Variants in DEPTOR observed in about 807,000 individuals in gnomAD.
The protein encoded by DEPTOR is DEP domain containing MTOR interacting protein.
A neutral mutation model predicts 41.6 loss-of-function variants in DEPTOR; 41 were observed. The observed-to-expected ratio is 0.98, with a 90% CI of 0.77 to 1.28. The LOEUF is 1.28. Ranked by LOEUF, DEPTOR falls within the 50% of genes most tolerant of loss-of-function variation. The pLI is 0.00. For missense variants in DEPTOR, 514 were observed against 527.9 expected (o/e 0.97, Z 0.26); for synonymous variants, 195 against 192.3 (o/e 1.01, Z -0.12).
chr8:119,933,705 G>T (rs1828074428), intron 3 of DEPTOR, among the ~76,000 whole-genome samples: 1 of 152,098 alleles, frequency 6.6e-6, no homozygotes, highest in South Asian at 2.1e-4. Flanking sequence ...GGTGGCAGGT[G>T]TTGGGGCTGC....
At chr8:119,992,397 C>T (rs1812186335) in intron 4 of DEPTOR, among the ~76,000 whole-genome samples, 2 of 152,020 alleles carry the variant, frequency 1.3e-5, no homozygotes, top group African/African-American at 4.8e-5. Flanking sequence ...ATCTTTATTC[C>T]CTCTCTGTTT....
At chr8:120,028,328 T>C (rs1812832755) in intron 8 of DEPTOR, among the ~76,000 whole-genome samples, 1 of 151,664 alleles carries the variant, frequency 6.6e-6, no homozygotes. Context: ...GCCTAAATGA[T>C]GTACTTTTGA....
rs544954637 is a variant in DEPTOR, at chr8:120,009,043, G to T, written c.1011G>T (p.Ala337=). The T allele has an allele frequency of 1.1e-5, 17 of 1,614,042 alleles. No individual in the cohort carries two copies. The highest frequency in any genetic ancestry group is 8.5e-7 in the Non-Finnish European group (1 of 1,180,000). ...TTCCTCTCTAGATTGTTGGTGACGCGGTTGGCTGGGGTTTTGTGGTGCGAG... is the reference window on the plus strand; with the variant it reads ...TTCCTCTCTAGATTGTTGGTGACGCTGTTGGCTGGGGTTTTGTGGTGCGAG... ...ARKTFTIVGD[A]VGWGFVVRGS... is the part of the protein sequence containing the mutation. The change falls in exon 8 of 9, where the codon GCG becomes GCT. Residue 337 remains alanine (A), a synonymous_variant. Coordinates refer to ENST00000286234, the MANE Select transcript of DEPTOR (RefSeq NM_022783.4).
intron 1 of DEPTOR, among the ~76,000 whole-genome samples, chr8:119,913,362 GA>G (rs1827769203): frequency 6.6e-6 from 1 of 152,230 alleles, no homozygotes; most frequent in South Asian, 2.1e-4. Context: ...CGAACAAAGA[GA>G]GGGGGCAATG....
At chr8:119,954,874 G>GTT (rs1554676035) in intron 3 of DEPTOR, among the ~76,000 whole-genome samples, 2 of 146,658 alleles carry the variant, frequency 1.4e-5, no homozygotes, top group African/African-American at 2.6e-5. Flanking sequence ...GTGTGTGTGT[G>GTT]TTTTGAGACA....
Position 119,873,907 on chromosome 8 carries a change from G to A in DEPTOR, c.61G>A (p.Gly21Arg). The A allele has an allele frequency of 6.2e-7, 1 of 1,613,798 alleles. No individual in the cohort carries two copies. The highest frequency in any genetic ancestry group is 8.5e-7 in the Non-Finnish European group (1 of 1,179,890). Residue 21 changes from glycine (G) to arginine (R), a missense_variant, in exon 1 of 9, where the codon GGG (glycine) becomes AGG (arginine). Transcript: ENST00000286234. ...GSDSSTSGSG[G>R]AQQRELERMA... ...TGACAGCAGCACCAGCGGGAGTGGC[G>A]GGGCGCAGCAAAGGGAGCTGGAGCG... is the stretch of plus-strand genomic sequence containing the variant.
At chr8:120,048,557 A>G (rs1813186507) in intron 8 of DEPTOR, among the ~76,000 whole-genome samples, 1 of 152,234 alleles carries the variant, frequency 6.6e-6, no homozygotes, top group African/African-American at 2.4e-5. Flanking sequence ...TATGTGGAGA[A>G]AACACCCTAG....
intron 4 of DEPTOR, among the ~76,000 whole-genome samples, chr8:119,965,682 T>C (rs1380850429): frequency 3.9e-5 from 6 of 152,222 alleles, no homozygotes; most frequent in East Asian, 3.9e-4. Flanking sequence ...CAGGTTCTTA[T>C]AGCGCTTCCA....
At chr8:120,038,040 G>A (rs1305563443) in intron 8 of DEPTOR, among the ~76,000 whole-genome samples, 2 of 152,080 alleles carry the variant, frequency 1.3e-5, no homozygotes, top group East Asian at 1.9e-4. Flanking sequence ...GCCAAGGCGG[G>A]TGGATCGCTT....
intron 8 of DEPTOR, among the ~76,000 whole-genome samples, chr8:120,041,752 G>A (rs1200029476): frequency 6.6e-6 from 1 of 152,066 alleles, no homozygotes; most frequent in African/African-American, 2.4e-5. Context: ...TGGCCAGGCT[G>A]GTCTTGAACT....
At chr8:119,911,750 G>A (rs760261181) in intron 1 of DEPTOR, among the ~76,000 whole-genome samples, 81 of 152,178 alleles carry the variant, frequency 5.3e-4, no homozygotes, top group Non-Finnish European at 8.1e-4. Context: ...GAAAGGTGAT[G>A]GCAGAAACAT....
intron 1 of DEPTOR, among the ~76,000 whole-genome samples, chr8:119,904,891 A>G (rs1167072729): frequency 6.6e-6 from 1 of 151,628 alleles, no homozygotes; most frequent in East Asian, 1.9e-4. Context: ...TTCTAGGCTC[A>G]AGTGATCCTC....
intron 4 of DEPTOR, among the ~76,000 whole-genome samples, chr8:119,997,725 A>G (rs1290607459): frequency 3.3e-5 from 5 of 152,212 alleles, no homozygotes; most frequent in Non-Finnish European, 5.9e-5. Flanking sequence ...CTTGATATTT[A>G]TGTGACCAGA....
intron 6 of DEPTOR, among the ~76,000 whole-genome samples, chr8:120,005,492 C>T (rs558498806): frequency 9.9e-5 from 15 of 152,140 alleles, no homozygotes; most frequent in Non-Finnish European, 1.9e-4. Context: ...TCACGCCTTG[C>T]CCCACGCTGC....
At chr8:119,970,460 G>A (rs1563577775) in intron 4 of DEPTOR, among the ~76,000 whole-genome samples, 1 of 152,284 alleles carries the variant, frequency 6.6e-6, no homozygotes, top group East Asian at 1.9e-4. Flanking sequence ...GCCTTGGTCT[G>A]GGATGTGACT....
At chr8:119,950,932 G>T (rs1828344343) in intron 3 of DEPTOR, among the ~76,000 whole-genome samples, 1 of 152,068 alleles carries the variant, frequency 6.6e-6, no homozygotes, top group African/African-American at 2.4e-5. Context: ...ATTTGGCATG[G>T]TGAAGTGGCT....
intron 8 of DEPTOR, among the ~76,000 whole-genome samples, chr8:120,028,878 A>G (rs1456293793): frequency 6.6e-6 from 1 of 151,762 alleles, no homozygotes; most frequent in South Asian, 2.1e-4. Context: ...TGAGGTCAGG[A>G]GTTCGAGACC....
chr8:119,946,436 T>G (rs1025970590), intron 3 of DEPTOR, among the ~76,000 whole-genome samples: 8 of 152,132 alleles, frequency 5.3e-5, no homozygotes, highest in East Asian at 3.9e-4. Flanking sequence ...TGTTTGGTTT[T>G]TTTTTTTTTT....
chr8:119,881,649 T>TATTC (rs1481726694), intron 1 of DEPTOR, among the ~76,000 whole-genome samples: 1 of 152,188 alleles, frequency 6.6e-6, no homozygotes, highest in Admixed American at 6.5e-5. Flanking sequence ...TAATTCATTT[T>TATTC]ATTCAAGTAG....
Sources: allele counts gnomAD v4.1 joint callset (sites outside exome capture counted in the v4.1 genomes callset), GRCh38; gene constraint gnomAD v4.1.1; transcripts MANE v1.5; gene names NCBI Gene and HGNC (gene_info 2026-07-23, HGNC 2026-07-21).